ZMYM2: variants seen among roughly 807,000 people sequenced by gnomAD.
ZMYM2 encodes zinc finger MYM-type protein 2.
Under a neutral mutation model 162.8 loss-of-function variants are expected in ZMYM2, and 56 were observed. The ratio of observed to expected loss-of-function variants is 0.34; its 90% confidence interval spans 0.28 to 0.43. The LOEUF is 0.43. Ranked by LOEUF, ZMYM2 falls within the 20% of genes least tolerant of loss-of-function variation. The probability of loss-of-function intolerance (pLI) is 1.00; values close to 1 mark genes in which losing one functional copy is unlikely to be tolerated. For synonymous variants in ZMYM2, 510 were observed against 541.6 expected, an observed-to-expected ratio of 0.94 and a Z score of 0.81; for missense variants, 1,275 against 1,621.8, an observed-to-expected ratio of 0.79 and a Z score of 3.67.
chr13:19,919,680 C>T, the ZMYM2 span, among the ~76,000 whole-genome samples: 1 of 137,304 alleles, frequency 7.3e-6, no homozygotes, highest in Non-Finnish European at 1.6e-5. Flanking sequence ...TTTTCTTTTT[C>T]TTTTTTTTTT....
intron 10 of ZMYM2, 136 bp from the exon 11 acceptor site, chr13:20,034,118 T>C: frequency 1.3e-6 from 1 of 763,266 alleles, no homozygotes; most frequent in Non-Finnish European, 1.8e-6. Context: ...TAGGCATCCA[T>C]GGCCTGTAGG....
chr13:20,080,784 C>G (rs1269681375), intron 21 of ZMYM2, among the ~76,000 whole-genome samples: 1 of 152,166 alleles, frequency 6.6e-6, no homozygotes, highest in African/African-American at 2.4e-5. Context: ...GCCACCACTC[C>G]CACCCCAGTA....
chr13:20,052,460 T>A, intron 14 of ZMYM2, 149 bp downstream of exon 14: 1 of 629,394 alleles, frequency 1.6e-6, no homozygotes, highest in Non-Finnish European at 2.6e-6. Flanking sequence ...TGAATTATAT[T>A]AATACCAGAG....
the ZMYM2 span, among the ~76,000 whole-genome samples, chr13:19,867,016 A>G: frequency 6.6e-6 from 1 of 152,248 alleles, no homozygotes; most frequent in Admixed American, 6.5e-5. Flanking sequence ...AATAAACCGT[A>G]GAGGAAATGT....
In ZMYM2 at chr13:20,031,865, G is replaced by GTTT. The variant is rs10642086; in HGVS notation, c.1968+445_1968+447dup. Among the ~76,000 whole-genome samples, 949 of 130,216 alleles carry GTTT rather than the reference G, an allele frequency of 7.3e-3. 22 individuals carry two copies. Among genetic ancestry groups the GTTT allele is most frequent in the African/African-American group, 0.018 (611 of 34,074 alleles). 85.4% of individuals were successfully genotyped at this position (130,216 alleles called of 152,430 possible). A position where few individuals can be genotyped will look rare whatever the true frequency, so the allele number is the denominator to read the frequency against. On this transcript the variant is annotated intron_variant, in intron 10 of 24. Coordinates refer to ENST00000610343, the MANE Select transcript of ZMYM2 (RefSeq NM_197968.4). ...TATAAAATGATACAATTCTGTAATT[G>GTTT]TTTTTTTTTTTTTTTTTCTTTTTTT...
chr13:19,956,472 T>C (rs1954523430), upstream of ZMYM2, among the ~76,000 whole-genome samples: 1 of 152,230 alleles, frequency 6.6e-6, no homozygotes, highest in African/African-American at 2.4e-5. Context: ...ATTACTTTTA[T>C]GTAAAATTGT....
At position 20,071,421 on chromosome 13, in the gene ZMYM2, A is replaced by G. The variant is rs571898594; in HGVS notation, c.3453+4031A>G. 8.5e-5 allele frequency among the ~76,000 whole-genome samples: 13 copies of G among 152,344 alleles called. No individual in the cohort carries two copies. In the South Asian group the frequency reaches 2.1e-3, roughly 24 times the overall value. On this transcript the variant is annotated intron_variant, in intron 21 of 24. Transcript: ENST00000610343. ...CAAGAAAGCACTGAATAGGGTGGGA[A>G]TGGGCCTGAGCAAGTGGCTCTAGGG...
intron 2 of ZMYM2, among the ~76,000 whole-genome samples, chr13:19,972,167 AC>A (rs1956391206): frequency 6.6e-6 from 1 of 152,148 alleles, no homozygotes; most frequent in Non-Finnish European, 1.5e-5. Context: ...CTCTGTCATA[AC>A]CCTTGAATGG....
chr13:19,895,383 A>C, the ZMYM2 span, among the ~76,000 whole-genome samples: 1 of 151,944 alleles, frequency 6.6e-6, no homozygotes, highest in Non-Finnish European at 1.5e-5. Context: ...TTTATAAAGA[A>C]AAGGAATTTA....
chr13:19,865,597 T>A, the ZMYM2 span, among the ~76,000 whole-genome samples: 5 of 152,222 alleles, frequency 3.3e-5, no homozygotes, highest in Non-Finnish European at 5.9e-5. Flanking sequence ...AATTTGAAGG[T>A]CTGACAGAAA....
chr13:20,012,030 G>A (rs1278909526), intron 6 of ZMYM2, among the ~76,000 whole-genome samples: 13 of 152,136 alleles, frequency 8.5e-5, no homozygotes, highest in African/African-American at 3.1e-4. Flanking sequence ...GATTACAGGC[G>A]TGAGCCACAG....
chr13:19,974,251 T>G (rs1432220732), intron 2 of ZMYM2, among the ~76,000 whole-genome samples: 1 of 152,206 alleles, frequency 6.6e-6, no homozygotes, highest in African/African-American at 2.4e-5. Context: ...TATCGAGAGA[T>G]ACTGTGTGTG....
chr13:19,934,641 C>T, the ZMYM2 span, among the ~76,000 whole-genome samples: 3 of 151,974 alleles, frequency 2.0e-5, no homozygotes, highest in Non-Finnish European at 4.4e-5. Flanking sequence ...TCTTTTGGTG[C>T]TAGCTCTTCT....
the ZMYM2 span, among the ~76,000 whole-genome samples, chr13:19,876,623 TA>T: frequency 6.6e-6 from 1 of 152,118 alleles, no homozygotes; most frequent in Non-Finnish European, 1.5e-5. Flanking sequence ...TCGCCTGGCC[TA>T]AAATTTTTCA....
At chr13:20,010,035 G>T (rs1042566341) in intron 6 of ZMYM2, among the ~76,000 whole-genome samples, 2 of 152,100 alleles carry the variant, frequency 1.3e-5, no homozygotes, top group African/African-American at 4.8e-5. Context: ...AATGTACAAG[G>T]CTTCTGTTTT....
the ZMYM2 span, among the ~76,000 whole-genome samples, chr13:19,901,602 G>A: frequency 6.6e-6 from 1 of 151,854 alleles, no homozygotes; most frequent in African/African-American, 2.4e-5. Flanking sequence ...CTCTGTCTCA[G>A]CCTCCCGAGT....
Position 20,086,038 on chromosome 13 carries a change from G to T in ZMYM2, c.*24G>T. 6.2e-7 allele frequency: 1 copy of T among 1,604,334 alleles called. No homozygotes were observed. Among genetic ancestry groups the T allele is most frequent in the Non-Finnish European group, 8.5e-7 (1 of 1,174,300 alleles). ...AAAAAGGAACGTTGCAGAAGCAATC[G>T]GGATAAAACAGCATTAGATAGTCAT... On this transcript the variant is annotated 3_prime_UTR_variant, in exon 25 of 25. Coordinates refer to ENST00000610343, the MANE Select transcript of ZMYM2 (RefSeq NM_197968.4).
intron 6 of ZMYM2, among the ~76,000 whole-genome samples, chr13:20,011,573 G>GTTTTTTTTTTTTTTTTTTTT (rs764404253): frequency 6.9e-6 from 1 of 144,260 alleles, no homozygotes; most frequent in African/African-American, 2.6e-5. Context: ...TTATTTTTTT[G>GTTTTTTTTTTTTTTTTTTTT]TTTTATTTTT....
chr13:20,087,254 C>CT lies in ZMYM2; in HGVS notation c.*1242dup. 3 of 185,150 alleles carry CT rather than the reference C, an allele frequency of 1.6e-5. No individual in the cohort carries two copies. Among genetic ancestry groups the CT allele is most frequent in the Non-Finnish European group, 2.3e-5 (2 of 87,540 alleles). The allele number at this position is 185,150 out of a possible 1,614,324, so 11.5% of individuals were successfully genotyped here. On this transcript the variant is annotated 3_prime_UTR_variant, in exon 25 of 25. Coordinates refer to ENST00000610343, the MANE Select transcript of ZMYM2 (RefSeq NM_197968.4). ...GATTGTTTGGCTTTTGAAATTACTT[C>CT]TTATAGAAGATTGCATTAAAAAAAA...
Sources: allele counts gnomAD v4.1 joint callset (sites outside exome capture counted in the v4.1 genomes callset), GRCh38; gene constraint gnomAD v4.1.1; transcripts MANE v1.5; gene names NCBI Gene and HGNC (gene_info 2026-07-23, HGNC 2026-07-21).